The following RIC1 variants were observed in gnomAD, a reference collection of about 807,000 sequenced individuals.
RIC1 encodes the protein RIC1 partner of RAB6A GEF complex, also known as guanine nucleotide exchange factor subunit RIC1.
In RIC1, 88 loss-of-function variants were observed where a neutral mutation model predicts 169.0. The observed-to-expected ratio is 0.52, with a 90% CI of 0.44 to 0.62. RIC1 has a LOEUF of 0.62. Among genes scored for constraint, RIC1 ranks in the 20% least tolerant of loss-of-function variants. The pLI, the probability that RIC1 is intolerant of heterozygous loss-of-function variation, is 0.00. For synonymous variants in RIC1, 790 were observed against 601.5 expected (o/e 1.31, Z -4.59); for missense variants, 1,877 against 1,725.5 (o/e 1.09, Z -1.56).
intron 1 of RIC1, among the ~76,000 whole-genome samples, chr9:5,650,756 C>A (rs1257108009): frequency 1.3e-5 from 2 of 152,078 alleles, no homozygotes; most frequent in African/African-American, 4.8e-5. Flanking sequence ...TCTTTTTGTC[C>A]TTGTGATAGC....
At position 5,703,013 on chromosome 9, in the gene RIC1, C is replaced by G. The variant is rs149726262; in HGVS notation, c.333-10883C>G. On this transcript the variant is annotated intron_variant, in intron 3 of 25. Transcript: ENST00000414202. ...TTTGTGTAGGGACAGAGACCCAAAC[C>G]ATGTAATTCCACCCTTGTCCCCTGC... Among the ~76,000 whole-genome samples, 890 of 152,124 alleles carry G rather than the reference C, an allele frequency of 5.9e-3. 13 individuals are homozygous for G. Among genetic ancestry groups the G allele is most frequent in the African/African-American group, 0.021 (854 of 41,522 alleles).
At chr9:5,769,916 A>G (rs781240939) in intron 22 of RIC1, among the ~76,000 whole-genome samples, 171 bp from the exon 23 acceptor site, 2 of 152,192 alleles carry the variant, frequency 1.3e-5, no homozygotes, top group African/African-American at 2.4e-5. Context: ...TTGTTACACA[A>G]TCCCATGTCT....
At chr9:5,640,793 C>G (rs774549194) in intron 1 of RIC1, among the ~76,000 whole-genome samples, 5 of 152,128 alleles carry the variant, frequency 3.3e-5, no homozygotes, top group Non-Finnish European at 7.4e-5. Context: ...TGTTGATGAA[C>G]TCTCTCAGCA....
At chr9:5,662,975 A>G (rs1819543672) in intron 2 of RIC1, among the ~76,000 whole-genome samples, 1 of 152,214 alleles carries the variant, frequency 6.6e-6, no homozygotes, top group African/African-American at 2.4e-5. Flanking sequence ...ATGTAGTGCT[A>G]TAAATTTCCC....
At chr9:5,761,272 C>T (rs563196691) in intron 17 of RIC1, among the ~76,000 whole-genome samples, 1 of 152,062 alleles carries the variant, frequency 6.6e-6, no homozygotes, top group African/African-American at 2.4e-5. Flanking sequence ...TGCCACCACG[C>T]CCGGCTTATT....
chr9:5,700,204 G>C (rs899892149), intron 3 of RIC1, among the ~76,000 whole-genome samples: 3 of 152,064 alleles, frequency 2.0e-5, no homozygotes, highest in African/African-American at 7.2e-5. Flanking sequence ...ACACTTCTTA[G>C]CTAGTTCTAT....
intron 15 of RIC1, among the ~76,000 whole-genome samples, chr9:5,755,665 G>C (rs1036525129): frequency 6.6e-6 from 1 of 152,188 alleles, no homozygotes. Flanking sequence ...GCTCATGCCT[G>C]TAATCCAAGC....
At chr9:5,777,832 ATCT>A (rs1827671406), downstream of RIC1, among the ~76,000 whole-genome samples, 2 of 152,282 alleles carry the variant, frequency 1.3e-5, no homozygotes, top group South Asian at 4.1e-4. Context: ...GATCTATAAT[ATCT>A]TCTTATGCCA....
intron 2 of RIC1, among the ~76,000 whole-genome samples, chr9:5,687,592 T>C (rs942213220): frequency 1.3e-4 from 20 of 152,184 alleles, no homozygotes; most frequent in Non-Finnish European, 5.9e-5. Flanking sequence ...TTTAGAAGTA[T>C]GCAGTTAAGC....
chr9:5,688,215 G>A (rs1222436923), intron 2 of RIC1, among the ~76,000 whole-genome samples: 1 of 152,164 alleles, frequency 6.6e-6, no homozygotes, highest in Non-Finnish European at 1.5e-5. Flanking sequence ...TATGTCTCAT[G>A]TTTGTCTTAC....
Position 5,774,329 on chromosome 9 carries a change from A to C in RIC1, c.*83A>C, listed in dbSNP as rs900710166. On this transcript the variant is annotated 3_prime_UTR_variant, in exon 26 of 26. Transcript: ENST00000414202. ...CGTTGTAACATAGTTGGATGATTTA[A>C]CAGGAGAACTCAGTTCAGAGACTCT... is the stretch of plus-strand genomic sequence containing the variant. 8.3e-7 allele frequency: 1 copy of C among 1,211,684 alleles called. No homozygotes were observed. The highest frequency in any genetic ancestry group is 1.1e-6 in the Non-Finnish European group (1 of 873,860). 75.1% of individuals were successfully genotyped at this position (1,211,684 alleles called of 1,614,324 possible).
At chr9:5,685,915 C>G (rs1821189215) in intron 2 of RIC1, among the ~76,000 whole-genome samples, 1 of 149,326 alleles carries the variant, frequency 6.7e-6, no homozygotes, top group Non-Finnish European at 1.5e-5. Flanking sequence ...ACAATGAACT[C>G]AAACAAATTT....
chr9:5,676,946 G>C (rs768484157), intron 2 of RIC1, among the ~76,000 whole-genome samples: 3 of 152,136 alleles, frequency 2.0e-5, no homozygotes, highest in Non-Finnish European at 2.9e-5. Context: ...AGTTTGACTT[G>C]TTTCCCGTTT....
rs1474442056 is a variant in RIC1, at chr9:5,656,685, G to T, written c.247G>T (p.Val83Leu). ...EWRPDSTMIA[V>L]STANGYILFF... The stretch of plus-strand genomic sequence containing the variant: ...GAGGCCAGATAGTACCATGATAGCT[G>T]TATCAGTAAGTAGATTTTACCGCTA... Residue 83 changes from valine to leucine, a missense_variant, in exon 2 of 26, where the codon GTA (valine) becomes TTA (leucine). By Grantham distance (32) the Val-to-Leu change is conservative. Around this residue, in one of 3 missense-constraint regions of RIC1, gnomAD observed 1,104 missense variants for 992.0 expected, o/e 1.11. Transcript: ENST00000414202. The T allele has an allele frequency of 1.3e-6, 2 of 1,552,970 alleles. No individual in the cohort carries two copies.
At chr9:5,703,443 G>A (rs7028052) in intron 3 of RIC1, among the ~76,000 whole-genome samples, 56,103 of 151,940 alleles carry the variant, frequency 0.37, 15,091 homozygotes, top group African/African-American at 0.77. Flanking sequence ...CATCACTCCA[G>A]GCAGAAACCA....
At chr9:5,674,380 G>A (rs1012526201) in intron 2 of RIC1, among the ~76,000 whole-genome samples, 3 of 152,058 alleles carry the variant, frequency 2.0e-5, no homozygotes, top group African/African-American at 7.2e-5. Context: ...ATTACTAGAA[G>A]CAGGTCAGCA....
At chr9:5,702,399 C>T (rs1034061532) in intron 3 of RIC1, among the ~76,000 whole-genome samples, 10 of 152,170 alleles carry the variant, frequency 6.6e-5, no homozygotes, top group Non-Finnish European at 5.9e-5. Context: ...CTGGGGAGGC[C>T]TCAGGAAACT....
intron 2 of RIC1, 23 bp from the exon 3 acceptor site, chr9:5,689,936 G>A: frequency 6.8e-7 from 1 of 1,478,300 alleles, no homozygotes. Flanking sequence ...TTTAATTCAT[G>A]ATTAATAAAA....
intron 1 of RIC1, among the ~76,000 whole-genome samples, chr9:5,648,415 G>T (rs1818638224): frequency 6.6e-6 from 1 of 152,140 alleles, no homozygotes; most frequent in South Asian, 2.1e-4. Flanking sequence ...CAATTGAAAT[G>T]ATTATCTGTT....
Sources: allele counts gnomAD v4.1 joint callset (sites outside exome capture counted in the v4.1 genomes callset), GRCh38; gene constraint gnomAD v4.1.1; regional missense constraint gnomAD v4.1.1; transcripts MANE v1.5; gene names NCBI Gene and HGNC (gene_info 2026-07-23, HGNC 2026-07-21).